Variants in MACROD1 observed in about 807,000 individuals in gnomAD.
The protein encoded by MACROD1 is ADP-ribose glycohydrolase MACROD1.
A neutral mutation model predicts 41.4 loss-of-function variants in MACROD1; 31 were observed. The ratio of observed to expected loss-of-function variants is 0.75; its 90% CI spans 0.56 to 1.01. MACROD1 has a LOEUF of 1.01. MACROD1 is among the 50% of genes least tolerant of loss of function. The probability of loss-of-function intolerance (pLI) is 0.00; values close to 1 mark genes in which losing one functional copy is unlikely to be tolerated. For missense variants in MACROD1, 473 were observed against 460.0 expected (o/e 1.03, Z -0.26); for synonymous variants, 252 against 203.4 (o/e 1.24, Z -2.03).
At chr11:64,080,490 G>A (rs75907903) in intron 3 of MACROD1, among the ~76,000 whole-genome samples, 7,901 of 152,170 alleles carry the variant, frequency 0.052, 449 homozygotes, top group African/African-American at 0.14. Flanking sequence ...CCCCTAAAAA[G>A]AAGCCTCAGG....
intron 3 of MACROD1, chr11:64,116,225 A>T: frequency 1.3e-6 from 2 of 1,562,162 alleles, no homozygotes; most frequent in Non-Finnish European, 1.7e-6. Flanking sequence ...GCAGGTATTC[A>T]GGCTCCAGGC....
intron 3 of MACROD1, among the ~76,000 whole-genome samples, chr11:64,124,148 C>T (rs1258609278): frequency 1.3e-5 from 2 of 152,242 alleles, no homozygotes; most frequent in Non-Finnish European, 2.9e-5. Context: ...TACCCATCCT[C>T]AGTGTCCAAG....
At chr11:64,043,855 A>G (rs1023569927) in intron 3 of MACROD1, among the ~76,000 whole-genome samples, 1 of 149,976 alleles carries the variant, frequency 6.7e-6, no homozygotes, top group East Asian at 2.0e-4. Context: ...CTTGTTGCCC[A>G]GACTGGAGTG....
In MACROD1 at chr11:64,015,292, G is replaced by A. The variant is rs1337014901; in HGVS notation, c.518-11C>T. 4.4e-6 allele frequency: 7 copies of A among 1,606,032 alleles called. 1 individual carries two copies. In the South Asian group the frequency reaches 7.8e-5, roughly 18 times the overall value. ...GCAGGGAGCTGTTGGCTGCAAGAGA[G>A]AGAGACAAAGGCAGATCAGTGGGGA... On this transcript the variant is annotated splice_polypyrimidine_tract_variant and intron_variant, in intron 3 of 10. Transcript: ENST00000255681.
intron 3 of MACROD1, among the ~76,000 whole-genome samples, chr11:64,022,702 C>G (rs906036441): frequency 4.4e-4 from 67 of 152,126 alleles, no homozygotes; most frequent in Admixed American, 2.0e-3. Flanking sequence ...GCTCTGTCCC[C>G]CCAGGCCAAG....
At chr11:64,017,462 G>A (rs921584398) in intron 3 of MACROD1, among the ~76,000 whole-genome samples, 7 of 152,152 alleles carry the variant, frequency 4.6e-5, no homozygotes, top group Non-Finnish European at 1.0e-4. Context: ...GAGTCTGTCT[G>A]ACTCCAAAGC....
intron 3 of MACROD1, among the ~76,000 whole-genome samples, chr11:64,112,364 A>C (rs575005286): frequency 1.3e-5 from 2 of 152,178 alleles, no homozygotes; most frequent in South Asian, 4.1e-4. Flanking sequence ...AATACAAAAA[A>C]TTAGCTGGGC....
chr11:64,004,820 TG>T (rs1177513129), intron 4 of MACROD1, among the ~76,000 whole-genome samples: 2 of 151,540 alleles, frequency 1.3e-5, no homozygotes, highest in African/African-American at 4.9e-5. Flanking sequence ...GAGGCTGAGG[TG>T]GGAGGGTCAC....
intron 3 of MACROD1, chr11:64,138,434 G>C: frequency 1.2e-6 from 1 of 831,570 alleles, no homozygotes; most frequent in Non-Finnish European, 1.5e-6. Context: ...TGTCAATTCT[G>C]GGCCATTTGC....
rs562766874 is a variant in MACROD1 at position 64,060,901 on chromosome 11, T to G, written c.518-45620A>C. On this transcript the variant is annotated intron_variant, in intron 3 of 10. Transcript: ENST00000255681. ...GGCGTGTCAGCCCCGCCCCCGAGGC[T>G]CTTTGCATATTCATGACCTTGGCGG... 2.6e-4 allele frequency among the ~76,000 whole-genome samples: 40 copies of G among 151,958 alleles called. No individual in the cohort carries two copies. The East Asian group carries it at 7.7e-3, about 29-fold the overall frequency.
chr11:63,999,481 G>T, intron 7 of MACROD1, 49 bp downstream of exon 7: 1 of 1,578,010 alleles, frequency 6.3e-7, no homozygotes, highest in Non-Finnish European at 8.6e-7. Flanking sequence ...CCCTCCCGGC[G>T]TCTGGGTCCA....
At chr11:64,118,687 G>T (rs939509788) in intron 3 of MACROD1, 5 of 174,032 alleles carry the variant, frequency 2.9e-5, no homozygotes, top group Non-Finnish European at 4.1e-5. Context: ...CAAAGGAACC[G>T]CCAGGGAGAA....
At chr11:63,999,481 G>A (rs1247298611) in intron 7 of MACROD1, 49 bp downstream of exon 7, 3 of 1,578,012 alleles carry the variant, frequency 1.9e-6, no homozygotes, top group Non-Finnish European at 2.6e-6. Context: ...CCCTCCCGGC[G>A]TCTGGGTCCA....
At chr11:64,097,943 G>A (rs913802595) in intron 3 of MACROD1, among the ~76,000 whole-genome samples, 10 of 152,026 alleles carry the variant, frequency 6.6e-5, no homozygotes, top group African/African-American at 2.2e-4. Flanking sequence ...AGAAGGAGGC[G>A]GGAACCCACT....
chr11:64,000,638 G>A (rs1001139670), intron 4 of MACROD1, among the ~76,000 whole-genome samples: 1 of 152,114 alleles, frequency 6.6e-6, no homozygotes, highest in African/African-American at 2.4e-5. Flanking sequence ...CCAGGGCCCA[G>A]GCAGGGCGGC....
intron 3 of MACROD1, among the ~76,000 whole-genome samples, chr11:64,058,365 G>A (rs1007935482): frequency 2.6e-5 from 4 of 152,372 alleles, no homozygotes; most frequent in African/African-American, 9.6e-5. Context: ...GCCCAGGCAG[G>A]GCTTAGTCTG....
At chr11:64,017,791 C>G (rs779587337) in intron 3 of MACROD1, among the ~76,000 whole-genome samples, 3 of 152,190 alleles carry the variant, frequency 2.0e-5, no homozygotes, top group African/African-American at 7.2e-5. Context: ...CACCTCCCCC[C>G]ATCACCTCTC....
chr11:64,056,733 G>C (rs568052314), intron 3 of MACROD1, among the ~76,000 whole-genome samples: 6 of 152,328 alleles, frequency 3.9e-5, no homozygotes, highest in Non-Finnish European at 8.8e-5. Flanking sequence ...GCAGGGGTGT[G>C]AGGCCCATCC....
At chr11:64,024,003 C>G (rs936497326) in intron 3 of MACROD1, among the ~76,000 whole-genome samples, 1 of 152,180 alleles carries the variant, frequency 6.6e-6, no homozygotes, top group South Asian at 2.1e-4. Flanking sequence ...CAGTCTCACC[C>G]CAAGCTGTCC....
Sources: gnomAD v4.1 joint callset for allele counts (sites outside exome capture counted in the v4.1 genomes callset) on GRCh38, gnomAD v4.1.1 for gene constraint, MANE v1.5 for transcripts, NCBI Gene and HGNC (gene_info 2026-07-23, HGNC 2026-07-21) for gene names.